Variants in DNAH7 observed in about 807,000 individuals in gnomAD.
DNAH7 encodes the protein dynein axonemal heavy chain 7, also known as axonemal beta dynein heavy chain 7.
In DNAH7, 397 loss-of-function variants were observed where a neutral mutation model predicts 444.6. The observed-to-expected ratio is 0.89, with a 90% CI of 0.82 to 0.97. The LOEUF is 0.97. DNAH7 is among the 50% of genes least tolerant of loss of function. DNAH7 has a pLI of 0.00. For synonymous variants in DNAH7, 1,636 were observed against 1,624.4 expected (o/e 1.01, Z -0.17); for missense variants, 4,902 against 4,800.8 (o/e 1.02, Z -0.62).
chr2:195,894,356 G>C (rs1477454282), intron 30 of DNAH7: 2 of 152,136 alleles, frequency 1.3e-5, no homozygotes, highest in Non-Finnish European at 2.9e-5. Flanking sequence ...GATTGAAAGG[G>C]AGACTCTTCA....
chr2:195,788,130 A>T (rs1695716343), intron 57 of DNAH7, among the ~76,000 whole-genome samples: 1 of 152,160 alleles, frequency 6.6e-6, no homozygotes, highest in Non-Finnish European at 1.5e-5. Flanking sequence ...TTTCACAAAG[A>T]GCTCAAGGGT....
At chr2:195,938,173 G>A (rs189978703) in intron 19 of DNAH7, among the ~76,000 whole-genome samples, 2 of 151,974 alleles carry the variant, frequency 1.3e-5, no homozygotes, top group Admixed American at 6.6e-5. Context: ...TTACAACAAT[G>A]CAATTTGGAA....
chr2:195,909,403 A>G (rs1687224888), intron 25 of DNAH7, among the ~76,000 whole-genome samples: 1 of 152,160 alleles, frequency 6.6e-6, no homozygotes, highest in Non-Finnish European at 1.5e-5. Flanking sequence ...TCAGATGTTT[A>G]TAGGTTTATA....
Position 195,808,750 on chromosome 2 carries a change from C to A in DNAH7, c.10015G>T (p.Ala3339Ser). The change falls in exon 53 of 65, where the codon GCC becomes TCC. Residue 3339 changes from alanine to serine, a missense_variant. Transcript: ENST00000312428. ...DEICRLDDLP[A>S]FKTIRREFMR... ...AACTCTCTACGAATGGTTTTGAAGG[C>A]AGGCAAATCATCTAATCGACATATT... 1 of 1,614,030 alleles carries A rather than the reference C, an allele frequency of 6.2e-7. No homozygotes were observed. Among genetic ancestry groups the A allele is most frequent in the Non-Finnish European group, 8.5e-7 (1 of 1,179,958 alleles).
At chr2:195,766,878 T>C (rs1694611365) in intron 61 of DNAH7, among the ~76,000 whole-genome samples, 1 of 152,194 alleles carries the variant, frequency 6.6e-6, no homozygotes, top group South Asian at 2.1e-4. Context: ...GTTTTCATGA[T>C]GTCATCTTCA....
chr2:195,983,173 C>A (rs561799702), intron 15 of DNAH7, among the ~76,000 whole-genome samples: 2 of 151,844 alleles, frequency 1.3e-5, no homozygotes, highest in South Asian at 4.2e-4. Flanking sequence ...TGGAAAAATA[C>A]CACAAAAACT....
At chr2:196,027,926 T>G (rs1257165630) in intron 6 of DNAH7, 34 bp downstream of exon 6, 2 of 1,586,352 alleles carry the variant, frequency 1.3e-6, no homozygotes, top group South Asian at 1.1e-5. Context: ...TTCTTTCCTT[T>G]TCAATTATAC....
At chr2:195,835,504 T>TA (rs527369412) in intron 47 of DNAH7, among the ~76,000 whole-genome samples, 55 of 151,456 alleles carry the variant, frequency 3.6e-4, no homozygotes, top group South Asian at 1.5e-3. Context: ...TCCCCCAAAA[T>TA]AAAAAAAACC....
chr2:195,931,220 G>A (rs1203991180), intron 21 of DNAH7, among the ~76,000 whole-genome samples: 1 of 152,166 alleles, frequency 6.6e-6, no homozygotes, highest in East Asian at 1.9e-4. Flanking sequence ...CTGCATAAAT[G>A]TCTTCTTTTG....
chr2:195,752,390 G>A (rs1005107978), intron 63 of DNAH7, among the ~76,000 whole-genome samples: 3 of 152,126 alleles, frequency 2.0e-5, no homozygotes, highest in Non-Finnish European at 4.4e-5. Flanking sequence ...GGATGGTGGT[G>A]CCATTTATTG....
chr2:195,802,013 A>C (rs1696485626), intron 54 of DNAH7, among the ~76,000 whole-genome samples: 1 of 152,228 alleles, frequency 6.6e-6, no homozygotes. Flanking sequence ...TACTGTTTGC[A>C]CAAAATAAAC....
intron 51 of DNAH7, among the ~76,000 whole-genome samples, chr2:195,813,733 T>A (rs2124876547): frequency 6.6e-6 from 1 of 152,326 alleles, no homozygotes; most frequent in Non-Finnish European, 1.5e-5. Context: ...TGATTATGTG[T>A]CATGTTCCGT....
At chr2:195,853,962 TTA>T (rs1380581599) in intron 45 of DNAH7, among the ~76,000 whole-genome samples, 8 of 152,206 alleles carry the variant, frequency 5.3e-5, no homozygotes, top group African/African-American at 1.7e-4. Context: ...TTTTAATAAT[TTA>T]TGATTATTTA....
Position 195,754,468 on chromosome 2 carries a change from A to C in DNAH7, c.11633T>G (p.Phe3878Cys), listed in dbSNP as rs751568557. The C allele has an allele frequency of 1.5e-5, 24 of 1,613,962 alleles. No homozygotes were observed. Among genetic ancestry groups the C allele is most frequent in the African/African-American group, 1.5e-4 (11 of 74,916 alleles). ...GPPPVFWLSG[F>C]FFTQAFLTGA... The stretch of plus-strand genomic sequence containing the variant: ...GGTCAGGAAGGCTTGTGTGAAGAAG[A>C]AGCCAGAAAGCCAGAAGACTGGAGG... The change falls in exon 63 of 65, where the codon TTC (phenylalanine) becomes TGC (cysteine). Residue 3878 changes from phenylalanine to cysteine, a missense_variant. Transcript: ENST00000312428.
intron 24 of DNAH7, among the ~76,000 whole-genome samples, chr2:195,919,240 A>C (rs1333445507): frequency 6.6e-6 from 1 of 151,926 alleles, no homozygotes; most frequent in East Asian, 1.9e-4. Flanking sequence ...TTTGTTTAAA[A>C]AAAAAAAAAA....
At chr2:195,858,934 T>C (rs888024422) in intron 42 of DNAH7, 130 bp from the exon 43 acceptor site, 1 of 698,568 alleles carries the variant, frequency 1.4e-6, no homozygotes. Context: ...AAGATTTTCA[T>C]ATAAATGACA....
At chr2:196,044,556 T>G (rs993014584) in intron 5 of DNAH7, among the ~76,000 whole-genome samples, 1 of 152,146 alleles carries the variant, frequency 6.6e-6, no homozygotes, top group African/African-American at 2.4e-5. Context: ...TTTACCCATG[T>G]AACCAAACAC....
chr2:195,811,025 A>G (rs1696945603), intron 51 of DNAH7, among the ~76,000 whole-genome samples: 1 of 152,212 alleles, frequency 6.6e-6, no homozygotes. Context: ...TATAAAGGTT[A>G]ATCATATTAT....
At chr2:195,996,526 A>T (rs972954214) in intron 12 of DNAH7, among the ~76,000 whole-genome samples, 1 of 151,910 alleles carries the variant, frequency 6.6e-6, no homozygotes, top group Non-Finnish European at 1.5e-5. Context: ...CCTGGGTTCA[A>T]GTGATTCTCC....
Sources: allele counts gnomAD v4.1 joint callset (sites outside exome capture counted in the v4.1 genomes callset), GRCh38; gene constraint gnomAD v4.1.1; transcripts MANE v1.5; gene names NCBI Gene and HGNC (gene_info 2026-07-23, HGNC 2026-07-21).